ADGRG7: variants seen among roughly 807,000 people sequenced by gnomAD.
ADGRG7 encodes the protein adhesion G protein-coupled receptor G7, also known as G-protein coupled receptor 128.
In ADGRG7, 82 loss-of-function variants were observed where a neutral mutation model predicts 88.6. That is an observed-to-expected ratio of 0.93 (90% CI 0.77 to 1.11). The LOEUF (loss-of-function observed/expected upper bound fraction) is 1.11, where lower values mean the gene tolerates loss of function less well. ADGRG7 is among the 50% of genes most tolerant of loss of function. The probability of loss-of-function intolerance (pLI) is 0.00; values close to 1 mark genes in which losing one functional copy is unlikely to be tolerated. For missense variants in ADGRG7, 945 were observed against 953.4 expected (o/e 0.99, Z 0.12); for synonymous variants, 381 against 345.2 (o/e 1.10, Z -1.15).
intron 4 of ADGRG7, 71 bp from the exon 5 acceptor site, chr3:100,635,606 C>A: frequency 3.2e-6 from 5 of 1,553,528 alleles, no homozygotes; most frequent in Non-Finnish European, 4.3e-6. Flanking sequence ...GCTTATTTAC[C>A]TGCAGTTGCT....
At chr3:100,618,822 C>T (rs898208257) in intron 1 of ADGRG7, among the ~76,000 whole-genome samples, 1 of 152,100 alleles carries the variant, frequency 6.6e-6, no homozygotes, top group Non-Finnish European at 1.5e-5. Context: ...TGGCCATTTT[C>T]ACAATATTGA....
intron 13 of ADGRG7, 100 bp from the exon 14 acceptor site, chr3:100,659,588 A>C: frequency 1.0e-6 from 1 of 993,826 alleles, no homozygotes; most frequent in Non-Finnish European, 1.5e-6. Flanking sequence ...AACTTTTAGC[A>C]GATCTTTCAG....
chr3:100,632,602 C>T (rs959682225), intron 3 of ADGRG7, among the ~76,000 whole-genome samples: 14 of 152,004 alleles, frequency 9.2e-5, no homozygotes, highest in Non-Finnish European at 4.4e-5. Flanking sequence ...AGAGTGACTC[C>T]AACTTTGTGC....
At position 100,655,911 on chromosome 3, in the gene ADGRG7, T is replaced by G; in HGVS notation, c.1739T>G (p.Ile580Arg). ...CTTTATCACATAGGAGTCCCAGCTA[T>G]AGTAGTGGCTATAACAGTGGGAGTT... ...ISLIGWGVPA[I>R]VVAITVGVIY... is the part of the protein sequence containing the mutation. Residue 580 changes from isoleucine to arginine, a missense_variant, in exon 13 of 16, where the codon ATA becomes AGA. Ile to Arg is a moderately conservative substitution (Grantham distance 97). Transcript: ENST00000273352. 6.3e-7 allele frequency: 1 copy of G among 1,590,214 alleles called. No homozygotes were observed. The highest frequency in any genetic ancestry group is 8.6e-7 in the Non-Finnish European group (1 of 1,158,510).
intron 6 of ADGRG7, among the ~76,000 whole-genome samples, chr3:100,637,892 C>T (rs552659072): frequency 1.3e-5 from 2 of 152,304 alleles, no homozygotes; most frequent in African/African-American, 2.4e-5. Context: ...AGGGGTGCCC[C>T]GTTTACTCAG....
At chr3:100,611,308 TTTCC>T (rs71132525) in intron 1 of ADGRG7, among the ~76,000 whole-genome samples, 23 of 70,778 alleles carry the variant, frequency 3.2e-4, no homozygotes, top group African/African-American at 6.8e-4. Flanking sequence ...TCCTTTCTTC[TTTCC>T]TTCCTTCCTT....
At chr3:100,669,358 G>A (rs1202443275) in intron 15 of ADGRG7, among the ~76,000 whole-genome samples, 1 of 151,070 alleles carries the variant, frequency 6.6e-6, no homozygotes, top group African/African-American at 2.4e-5. Flanking sequence ...GTGTGGTGGC[G>A]GGCGCCTGTA....
chr3:100,652,514 T>C (rs982291497), intron 11 of ADGRG7, among the ~76,000 whole-genome samples: 2 of 152,186 alleles, frequency 1.3e-5, no homozygotes, highest in Non-Finnish European at 2.9e-5. Flanking sequence ...ATAACTTTTA[T>C]TGGCGAGGAA....
intron 14 of ADGRG7, among the ~76,000 whole-genome samples, chr3:100,661,901 T>G (rs577549157): frequency 6.6e-6 from 1 of 152,156 alleles, no homozygotes; most frequent in Non-Finnish European, 1.5e-5. Flanking sequence ...TTGAAATACA[T>G]CCTCACAGAA....
intron 14 of ADGRG7, among the ~76,000 whole-genome samples, chr3:100,664,528 CAA>C (rs1243998873): frequency 6.6e-6 from 1 of 152,112 alleles, no homozygotes; most frequent in African/African-American, 2.4e-5. Context: ...GAAAACCAAA[CAA>C]GATGCAGAAC....
intron 1 of ADGRG7, among the ~76,000 whole-genome samples, chr3:100,621,754 C>G (rs185710075): frequency 9.8e-4 from 149 of 152,298 alleles, no homozygotes; most frequent in Middle Eastern, 3.4e-3. Context: ...CACTAAACAA[C>G]AGATTTTCAG....
chr3:100,656,136 G>C (rs1274731047), intron 13 of ADGRG7, 141 bp downstream of exon 13: 2 of 507,324 alleles, frequency 3.9e-6, no homozygotes, highest in Non-Finnish European at 7.3e-6. Context: ...AATTCTCAAA[G>C]AACACGTTAT....
At chr3:100,649,471 C>A (rs989976068) in intron 10 of ADGRG7, among the ~76,000 whole-genome samples, 1 of 152,132 alleles carries the variant, frequency 6.6e-6, no homozygotes, top group African/African-American at 2.4e-5. Context: ...TTTTCCTTAA[C>A]TGAATTAGTT....
intron 15 of ADGRG7, among the ~76,000 whole-genome samples, chr3:100,675,432 C>T (rs573039175): frequency 4.9e-4 from 75 of 152,260 alleles, no homozygotes; most frequent in Non-Finnish European, 8.8e-4. Flanking sequence ...CCTTGCATTT[C>T]TGGGATAAAT....
intron 6 of ADGRG7, among the ~76,000 whole-genome samples, chr3:100,639,010 CTGTGTGTG>C (rs56088926): frequency 0.068 from 10,038 of 146,908 alleles, 388 homozygotes; most frequent in African/African-American, 0.1. Flanking sequence ...CCCTCTGTTT[CTGTGTGTG>C]TGTGTGTGTG....
chr3:100,610,451 T>C (rs1208716190), intron 1 of ADGRG7, among the ~76,000 whole-genome samples: 2 of 152,196 alleles, frequency 1.3e-5, no homozygotes, highest in Non-Finnish European at 2.9e-5. Flanking sequence ...AGTGAAATGA[T>C]CTCATGGTTT....
At chr3:100,631,010 G>T (rs1235035793) in intron 3 of ADGRG7, among the ~76,000 whole-genome samples, 2 of 152,096 alleles carry the variant, frequency 1.3e-5, no homozygotes, top group Admixed American at 6.6e-5. Flanking sequence ...AGTTTCATAT[G>T]AATCAGTTGT....
chr3:100,613,213 A>G (rs1420473927), intron 1 of ADGRG7, among the ~76,000 whole-genome samples: 1 of 152,150 alleles, frequency 6.6e-6, no homozygotes, highest in Non-Finnish European at 1.5e-5. Flanking sequence ...ACTGTGGAAA[A>G]TACAGGTTGT....
intron 15 of ADGRG7, among the ~76,000 whole-genome samples, chr3:100,689,747 G>A (rs1032818146): frequency 6.6e-6 from 1 of 152,216 alleles, no homozygotes; most frequent in Non-Finnish European, 1.5e-5. Flanking sequence ...GAGATGTGCT[G>A]TTAGTCTGAT....
Sources: allele counts gnomAD v4.1 joint callset (sites outside exome capture counted in the v4.1 genomes callset), GRCh38; gene constraint gnomAD v4.1.1; transcripts MANE v1.5; gene names NCBI Gene and HGNC (gene_info 2026-07-23, HGNC 2026-07-21).